The following DPP6 variants were observed in gnomAD, a reference collection of about 807,000 sequenced individuals.
DPP6 encodes A-type potassium channel modulatory protein DPP6.
Under a neutral mutation model 122.6 loss-of-function variants are expected in DPP6, and 69 were observed. The observed-to-expected ratio is 0.56, with a 90% CI of 0.46 to 0.69. DPP6 has a LOEUF of 0.69. Among genes scored for constraint, DPP6 ranks in the 30% least tolerant of loss-of-function variants. DPP6 has a pLI of 0.00. For synonymous variants in DPP6, 418 were observed against 433.1 expected (o/e 0.97, Z 0.43); for missense variants, 928 against 1,116.9 (o/e 0.83, Z 2.41).
intron 7 of DPP6, among the ~76,000 whole-genome samples, chr7:154,709,926 T>C (rs756241345): frequency 2.0e-5 from 3 of 152,194 alleles, no homozygotes; most frequent in Non-Finnish European, 2.9e-5. Flanking sequence ...GAAGCACCCA[T>C]CAGGGGCCAT....
intron 22 of DPP6, among the ~76,000 whole-genome samples, 185 bp from the exon 23 acceptor site, chr7:154,887,491 T>C (rs532238537): frequency 6.6e-6 from 1 of 152,274 alleles, no homozygotes; most frequent in East Asian, 1.9e-4. Flanking sequence ...CTGATGCCCC[T>C]TGTAAAGACC....
At chr7:154,302,452 C>T (rs1805974323) in intron 1 of DPP6, among the ~76,000 whole-genome samples, 1 of 152,178 alleles carries the variant, frequency 6.6e-6, no homozygotes, top group Admixed American at 6.5e-5. Context: ...AGGAAAGGTA[C>T]TGAGTGGCAC....
At position 153,966,596 on chromosome 7, in the gene DPP6, T is replaced by G. The variant is rs1795748297; in HGVS notation, c.51+78862T>G. Among the ~76,000 whole-genome samples, 4 of 4,466 alleles carry G rather than the reference T, an allele frequency of 9.0e-4. 1 individual carries two copies. The highest frequency in any genetic ancestry group is 4.0e-3 in the Admixed American group (1 of 252). The allele number at this position is 4,466 out of a possible 152,430, so 2.9% of individuals were successfully genotyped here. ...TTTTTTTTTTTTTTTTTACTGCATA[T>G]AGCCCTTTTTTTTTAAAAAATTATA... On this transcript the variant is annotated intron_variant, in intron 1 of 25. Coordinates refer to the DPP6 transcript ENST00000404039.
At chr7:154,230,285 T>C (rs145386284) in intron 1 of DPP6, among the ~76,000 whole-genome samples, 3 of 152,204 alleles carry the variant, frequency 2.0e-5, no homozygotes, top group Non-Finnish European at 4.4e-5. Flanking sequence ...GGTAAAGATT[T>C]GCTCTGCAAG....
At chr7:153,764,650 C>T in the DPP6 span, among the ~76,000 whole-genome samples, 7 of 151,564 alleles carry the variant, frequency 4.6e-5, no homozygotes, top group Non-Finnish European at 4.4e-5. Flanking sequence ...TGGAAGATGG[C>T]TTTTAGCCTT....
chr7:154,805,401 T>TTGGG (rs1295434788), intron 15 of DPP6, among the ~76,000 whole-genome samples: 2 of 152,156 alleles, frequency 1.3e-5, no homozygotes, highest in African/African-American at 4.8e-5. Flanking sequence ...CTCACTGGCT[T>TTGGG]TGGGGAACTC....
At chr7:154,126,432 T>C (rs3115111) in intron 1 of DPP6, among the ~76,000 whole-genome samples, 66,209 of 151,240 alleles carry the variant, frequency 0.44, 15,122 homozygotes, top group Non-Finnish European at 0.51. Flanking sequence ...GAAACCTGGA[T>C]GTGCTGTCAT....
chr7:154,121,535 G>A (rs1258196753), intron 1 of DPP6, among the ~76,000 whole-genome samples: 1 of 152,074 alleles, frequency 6.6e-6, no homozygotes, highest in Non-Finnish European at 1.5e-5. Flanking sequence ...TTAATACTTT[G>A]GTAATTTATC....
chr7:153,799,934 T>G, the DPP6 span, among the ~76,000 whole-genome samples: 3 of 152,166 alleles, frequency 2.0e-5, no homozygotes, highest in African/African-American at 7.2e-5. Flanking sequence ...CTGGCAGAGA[T>G]GCACAGAAAG....
At chr7:153,956,921 T>C (rs985405483) in intron 1 of DPP6, among the ~76,000 whole-genome samples, 11 of 152,222 alleles carry the variant, frequency 7.2e-5, no homozygotes, top group African/African-American at 2.4e-4. Context: ...CTGCCTTTGG[T>C]AGCAAGGCTC....
chr7:153,794,662 T>A, the DPP6 span, among the ~76,000 whole-genome samples: 5 of 151,988 alleles, frequency 3.3e-5, no homozygotes, highest in Admixed American at 3.3e-4. Flanking sequence ...GGACATGAGA[T>A]TTGAAAGGGC....
intron 1 of DPP6, among the ~76,000 whole-genome samples, chr7:154,062,564 A>AG (rs1336054221): frequency 1.3e-4 from 1 of 7,662 alleles, no homozygotes; most frequent in Non-Finnish European, 2.7e-4. Context: ...CCCCCATCGC[A>AG]GGGGGGGGAG....
intron 14 of DPP6, 50 bp from the exon 15 acceptor site, chr7:154,804,867 A>T (rs1284398601): frequency 1.3e-6 from 2 of 1,571,530 alleles, no homozygotes; most frequent in African/African-American, 2.7e-5. Context: ...TGTGAAGTGC[A>T]GACGTGCCTT....
intron 1 of DPP6, among the ~76,000 whole-genome samples, chr7:153,928,740 G>T (rs377152572): frequency 6.6e-6 from 1 of 151,998 alleles, no homozygotes; most frequent in East Asian, 1.9e-4. Context: ...TACAAATTTT[G>T]GGGGACACAG....
At chr7:154,566,689 T>G (rs1367706324) in intron 4 of DPP6, among the ~76,000 whole-genome samples, 153 bp from the exon 5 acceptor site, 2 of 152,216 alleles carry the variant, frequency 1.3e-5, no homozygotes, top group African/African-American at 4.8e-5. Flanking sequence ...AAAACATCAA[T>G]TAGCTAAATA....
chr7:154,532,574 G>A (rs79098160), intron 3 of DPP6, among the ~76,000 whole-genome samples: 7,522 of 152,006 alleles, frequency 0.049, 323 homozygotes, highest in African/African-American at 0.12. Flanking sequence ...AATAAAATTG[G>A]TAAATATCCA....
chr7:154,163,081 T>C (rs535076463), intron 1 of DPP6, among the ~76,000 whole-genome samples: 4 of 152,320 alleles, frequency 2.6e-5, no homozygotes, highest in African/African-American at 9.6e-5. Flanking sequence ...AGTGGAACTC[T>C]ATACCTGGAG....
Position 154,875,548 on chromosome 7 carries a change from AAG to A in DPP6, c.1884-354_1884-353del, listed in dbSNP as rs1804776078. 6.6e-6 allele frequency among the ~76,000 whole-genome samples: 1 copy of A among 152,198 alleles called. No individual in the cohort carries two copies. The highest frequency in any genetic ancestry group is 2.1e-4 in the South Asian group (1 of 4,828). ...AGCCTGGGACATCTAGAACCCAGGA[AAG>A]AGAAACCTTCTTGCCGTGTAGGGAA... is the stretch of plus-strand genomic sequence containing the variant. On this transcript the variant is annotated intron_variant, in intron 19 of 25. Coordinates refer to ENST00000377770, the MANE Select transcript of DPP6 (RefSeq NM_130797.4). The surrounding 1 kb of genome is among the most constrained non-coding windows in gnomAD (Gnocchi z 4.5).
intron 1 of DPP6, among the ~76,000 whole-genome samples, chr7:154,023,318 G>GCGCACACACA (rs1554436898): frequency 2.3e-5 from 3 of 129,618 alleles, no homozygotes; most frequent in East Asian, 2.4e-4. Flanking sequence ...TTTCTTGTCT[G>GCGCACACACA]CACACACACA....
Sources: gnomAD v4.1 joint callset for allele counts (sites outside exome capture counted in the v4.1 genomes callset) on GRCh38, gnomAD v4.1.1 for gene constraint, Gnocchi (gnomAD v3.1) non-coding constraint, MANE v1.5 for transcripts, NCBI Gene and HGNC (gene_info 2026-07-23, HGNC 2026-07-21) for gene names.